TBCA: variants seen among roughly 807,000 people sequenced by gnomAD.
TBCA encodes the protein tubulin folding cofactor A, also known as tubulin-specific chaperone A.
TBCA carries 6 observed loss-of-function variants against 15.8 expected under a neutral mutation model. The observed-to-expected ratio is 0.38, with a 90% confidence interval of 0.21 to 0.75. The LOEUF is 0.75. TBCA is among the 30% of genes least tolerant of loss of function. The pLI is 0.46. For synonymous variants in TBCA, 32 were observed against 42.3 expected (o/e 0.76, Z 0.94); for missense variants, 90 against 131.2 (o/e 0.69, Z 1.53).
At chr5:77,770,738 AG>A (rs67572711) in intron 1 of TBCA, among the ~76,000 whole-genome samples, 27,429 of 149,082 alleles carry the variant, frequency 0.18, 2,763 homozygotes, top group African/African-American at 0.27. Context: ...TAAAAAAAAA[AG>A]AAAAAAAACA....
chr5:77,770,728 TAAAA>T (rs200258634), intron 1 of TBCA, among the ~76,000 whole-genome samples: 1 of 132,480 alleles, frequency 7.5e-6, no homozygotes, highest in Non-Finnish European at 1.6e-5. Context: ...ATCCAAATCT[TAAAA>T]AAAAAAGAAA....
In TBCA at chr5:77,693,326, C is replaced by T; in HGVS notation, c.186G>A (p.Met62Ile). Residue 62 changes from methionine (M) to isoleucine (I), a missense_variant, in exon 3 of 4, where the codon ATG becomes ATA. Met to Ile is a conservative substitution (Grantham distance 10). Transcript: ENST00000380377. ...ACCTGCGCTGGCAATCTGGGATCAT[C>T]ATCCTGGATTCTTGTAGGATCTCTG... ...KQAEILQESR[M>I]MIPDCQRRLE... The T allele has an allele frequency of 6.2e-7, 1 of 1,613,114 alleles. No homozygotes were observed. Among genetic ancestry groups the T allele is most frequent in the Non-Finnish European group, 8.5e-7 (1 of 1,179,732 alleles).
At chr5:77,751,035 T>C (rs1405887918) in intron 1 of TBCA, among the ~76,000 whole-genome samples, 1 of 152,130 alleles carries the variant, frequency 6.6e-6, no homozygotes, top group Non-Finnish European at 1.5e-5. Flanking sequence ...GGTAGCAAGC[T>C]TCAGAGAAAA....
At chr5:77,744,376 C>G (rs1747121477) in intron 1 of TBCA, among the ~76,000 whole-genome samples, 1 of 151,918 alleles carries the variant, frequency 6.6e-6, no homozygotes, top group Admixed American at 6.6e-5. Flanking sequence ...GCCCTCCCTG[C>G]CCCCAGCAAA....
rs532571638 is a variant in TBCA at position 77,739,617 on chromosome 5, A to G, written c.54-31270T>C. Among the ~76,000 whole-genome samples the G allele has an allele frequency of 4.1e-4, 62 of 152,344 alleles. 1 individual carries two copies. In the South Asian group the frequency reaches 6.8e-3, roughly 17 times the overall value. On this transcript the variant is annotated intron_variant, in intron 1 of 3. Coordinates refer to ENST00000380377, the MANE Select transcript of TBCA (RefSeq NM_004607.3). ...AGAGACCCACTAGCACTGTTCCTCC[A>G]TATAACAGCTAAATAAAAACTTGAC... is the stretch of plus-strand genomic sequence containing the variant.
rs1267244113 is a variant in TBCA at position 77,696,706 on chromosome 5, G to A, written c.160-3354C>T. ...GGAGGCCAAGGCAGGAAGATAGCTT[G>A]AGGCCAGTAGTTTGCGACCAGCCTG... is the stretch of plus-strand genomic sequence containing the variant. On this transcript the variant is annotated intron_variant, in intron 2 of 3. Coordinates refer to ENST00000380377, the MANE Select transcript of TBCA (RefSeq NM_004607.3). Among the ~76,000 whole-genome samples the A allele has an allele frequency of 2.0e-5, 3 of 152,306 alleles. No individual in the cohort carries two copies. The East Asian group carries it at 5.8e-4, about 29-fold the overall frequency.
At chr5:77,701,577 T>A (rs1318515234) in intron 2 of TBCA, among the ~76,000 whole-genome samples, 1 of 151,024 alleles carries the variant, frequency 6.6e-6, no homozygotes, top group Non-Finnish European at 1.5e-5. Flanking sequence ...CGTCATTATA[T>A]GAAAAAGATA....
At chr5:77,775,079 T>C (rs1747990920) in intron 1 of TBCA, among the ~76,000 whole-genome samples, 1 of 152,098 alleles carries the variant, frequency 6.6e-6, no homozygotes, top group South Asian at 2.1e-4. Context: ...AGTTCTGTTG[T>C]ATTTCACCCT....
rs7709965 is a variant in TBCA at position 77,763,833 on chromosome 5, A to G, written c.53+12372T>C. The stretch of plus-strand genomic sequence containing the variant: ...TAGGGCAGCTTGAACTAAGATACGC[A>G]TCTTACAAGATGAATACTCACATAC... On this transcript the variant is annotated intron_variant, in intron 1 of 3. Coordinates refer to ENST00000380377, the MANE Select transcript of TBCA (RefSeq NM_004607.3). Among the ~76,000 whole-genome samples the G allele has an allele frequency of 3.8e-3, 586 of 152,302 alleles. 4 individuals are homozygous for G. Among genetic ancestry groups the G allele is most frequent in the African/African-American group, 0.012 (495 of 41,564 alleles).
chr5:77,693,204 T>C (rs1745795411), intron 3 of TBCA, 62 bp downstream of exon 3: 1 of 1,586,766 alleles, frequency 6.3e-7, no homozygotes, highest in Admixed American at 1.8e-5. Flanking sequence ...TTTAAACTTT[T>C]GGCTTTCCAT....
chr5:77,714,561 CTAT>C (rs141992862), intron 1 of TBCA, among the ~76,000 whole-genome samples: 16 of 126,464 alleles, frequency 1.3e-4, no homozygotes, highest in African/African-American at 4.9e-4. Flanking sequence ...ACAATTATTA[CTAT>C]TATTATTATT....
intron 1 of TBCA, among the ~76,000 whole-genome samples, chr5:77,734,137 T>C (rs891003317): frequency 1.1e-4 from 16 of 152,240 alleles, no homozygotes; most frequent in African/African-American, 3.6e-4. Context: ...TTACTGACAG[T>C]GCACCTAGTC....
intron 1 of TBCA, among the ~76,000 whole-genome samples, chr5:77,728,518 G>A (rs1319386254): frequency 6.6e-6 from 1 of 152,106 alleles, no homozygotes; most frequent in East Asian, 1.9e-4. Flanking sequence ...AACCATGGCA[G>A]TCAAGGATCA....
intron 1 of TBCA, among the ~76,000 whole-genome samples, chr5:77,730,337 C>A (rs1746736550): frequency 6.6e-6 from 1 of 152,132 alleles, no homozygotes; most frequent in African/African-American, 2.4e-5. Flanking sequence ...CTGCCACAAA[C>A]CAAGGAATAC....
At chr5:77,754,646 G>A (rs1266305488) in intron 1 of TBCA, among the ~76,000 whole-genome samples, 4 of 151,986 alleles carry the variant, frequency 2.6e-5, no homozygotes, top group Non-Finnish European at 1.5e-5. Context: ...TTATATACAG[G>A]GTTATTTTAC....
chr5:77,714,104 C>T (rs1228198292), intron 1 of TBCA, among the ~76,000 whole-genome samples: 1 of 151,560 alleles, frequency 6.6e-6, no homozygotes, highest in Non-Finnish European at 1.5e-5. Context: ...GAGGATCACT[C>T]GAGGTCAGGA....
At chr5:77,745,933 T>C (rs1377848660) in intron 1 of TBCA, among the ~76,000 whole-genome samples, 2 of 152,176 alleles carry the variant, frequency 1.3e-5, no homozygotes, top group African/African-American at 4.8e-5. Context: ...GGTAACCAAT[T>C]AAAAGTGTAA....
intron 1 of TBCA, among the ~76,000 whole-genome samples, chr5:77,733,733 T>C (rs2112471570): frequency 6.6e-6 from 1 of 152,386 alleles, no homozygotes; most frequent in Admixed American, 6.5e-5. Flanking sequence ...GTTATCCAGA[T>C]GATCTAGCTA....
chr5:77,744,184 T>G (rs1348338368), intron 1 of TBCA, among the ~76,000 whole-genome samples: 2 of 152,078 alleles, frequency 1.3e-5, no homozygotes, highest in African/African-American at 2.4e-5. Context: ...AATCTCAAGA[T>G]CCCACTCAAA....
Sources: gnomAD v4.1 joint callset for allele counts (sites outside exome capture counted in the v4.1 genomes callset) on GRCh38, gnomAD v4.1.1 for gene constraint, MANE v1.5 for transcripts, NCBI Gene and HGNC (gene_info 2026-07-23, HGNC 2026-07-21) for gene names.